The following PFKFB4 variants were observed in gnomAD, a reference collection of about 807,000 sequenced individuals.
PFKFB4 encodes 6-phosphofructo-2-kinase/fructose-2,6-bisphosphatase 4.
PFKFB4 carries 42 observed loss-of-function variants against 62.8 expected under a neutral mutation model. The observed-to-expected ratio is 0.67, with a 90% confidence interval of 0.52 to 0.86. The LOEUF (loss-of-function observed/expected upper bound fraction) is 0.86, where lower values mean the gene tolerates loss of function less well. PFKFB4 is among the 40% of genes least tolerant of loss of function. PFKFB4 has a pLI of 0.00. For synonymous variants in PFKFB4, 204 were observed against 240.7 expected, an observed-to-expected ratio of 0.85 and a Z score of 1.41; for missense variants, 475 against 627.2, an observed-to-expected ratio of 0.76 and a Z score of 2.59.
At chr3:48,523,436 GCTC>G in intron 12 of PFKFB4, 98 bp downstream of exon 12, 1 of 1,131,628 alleles carries the variant, frequency 8.8e-7, no homozygotes, top group East Asian at 2.4e-5. Flanking sequence ...GGAGGAATGG[GCTC>G]CTAACACAAT....
intron 2 of PFKFB4, 35 bp from the exon 3 acceptor site, chr3:48,549,995 C>T: frequency 6.5e-7 from 1 of 1,528,802 alleles, no homozygotes; most frequent in South Asian, 1.1e-5. Flanking sequence ...TTCACAGCAA[C>T]AGCAACCCCT....
upstream of PFKFB4, among the ~76,000 whole-genome samples, chr3:48,561,419 C>A (rs1292410345): frequency 1.3e-5 from 2 of 152,282 alleles, no homozygotes; most frequent in African/African-American, 4.8e-5. This position sits in a 1 kb window ranked among gnomAD's most constrained non-coding sequence, Gnocchi z 5.2. Flanking sequence ...GTGCCTGCCC[C>A]CTCTGCGGGC....
rs768060468 is a variant in PFKFB4 at position 48,539,782 on chromosome 3, A to G, written c.379-11T>C. ...TGTGGCATCAAAAACCTAGGACCAA[A>G]CTAGGGTTAACTCAGCCTCTGGCCC... On this transcript the variant is annotated splice_polypyrimidine_tract_variant and intron_variant, in intron 4 of 13. Transcript: ENST00000232375. 6 of 1,608,798 alleles carry G rather than the reference A, an allele frequency of 3.7e-6. No individual in the cohort carries two copies. Among genetic ancestry groups the G allele is most frequent in the South Asian group, 1.1e-5 (1 of 90,962 alleles).
intron 3 of PFKFB4, among the ~76,000 whole-genome samples, chr3:48,549,647 C>A (rs2043069737): frequency 6.6e-6 from 1 of 152,078 alleles, no homozygotes; most frequent in Admixed American, 6.6e-5. Flanking sequence ...TCACCTCCCA[C>A]CCCCACCACA....
intron 12 of PFKFB4, among the ~76,000 whole-genome samples, chr3:48,523,157 G>A (rs1487388946): frequency 6.6e-6 from 1 of 152,056 alleles, no homozygotes; most frequent in Non-Finnish European, 1.5e-5. Context: ...GGCCGAGGCA[G>A]GTAGATCACC....
At chr3:48,523,309 GGGAGGT>G (rs1311298725) in intron 12 of PFKFB4, among the ~76,000 whole-genome samples, 1 of 152,120 alleles carries the variant, frequency 6.6e-6, no homozygotes, top group Admixed American at 6.5e-5. Flanking sequence ...ATCTGAACCC[GGGAGGT>G]GGAGGTTGTA....
chr3:48,540,736 A>C (rs2042774007), intron 4 of PFKFB4, among the ~76,000 whole-genome samples: 1 of 151,774 alleles, frequency 6.6e-6, no homozygotes, highest in Non-Finnish European at 1.5e-5. Context: ...CAGCCTCCCA[A>C]GTAGCTGGGA....
At position 48,556,275 on chromosome 3, in the gene PFKFB4, G is replaced by A. The variant is rs2043313175; in HGVS notation, c.97+406C>T. 1 of 484,706 alleles carries A rather than the reference G, an allele frequency of 2.1e-6. No individual in the cohort carries two copies. Among genetic ancestry groups the A allele is most frequent in the Non-Finnish European group, 4.1e-6 (1 of 245,636 alleles). 30.0% of individuals were successfully genotyped at this position (484,706 alleles called of 1,614,324 possible). A position where few individuals can be genotyped will look rare whatever the true frequency, so the allele number is the denominator to read the frequency against. On this transcript the variant is annotated intron_variant, in intron 1 of 13. Coordinates refer to ENST00000232375, the MANE Select transcript of PFKFB4 (RefSeq NM_004567.4). This position sits in a 1 kb window ranked among gnomAD's most constrained non-coding sequence, Gnocchi z 5.7. ...CAAGTAATTCACCTAGGGCCACACA[G>A]CTCAGTTCCAGTCCAACAACCCGGC...
intron 10 of PFKFB4, among the ~76,000 whole-genome samples, chr3:48,524,883 C>G (rs1012103283): frequency 6.6e-6 from 1 of 152,132 alleles, no homozygotes; most frequent in Admixed American, 6.6e-5. Flanking sequence ...GACCTGGGGC[C>G]TGGGCTGAAC....
intron 10 of PFKFB4, 38 bp from the exon 11 acceptor site, chr3:48,523,868 C>T: frequency 6.3e-7 from 1 of 1,599,884 alleles, no homozygotes; most frequent in Non-Finnish European, 8.5e-7. Context: ...TCAGGCCTGG[C>T]TCCGGGGGAG....
At chr3:48,559,555 C>T (rs751884722), upstream of PFKFB4, 2 of 457,156 alleles carry the variant, frequency 4.4e-6, no homozygotes, top group Non-Finnish European at 8.8e-6. Flanking sequence ...GCTGTCCCAG[C>T]GTCTGCTCTC....
chr3:48,562,939 G>A (rs368177355), upstream of PFKFB4: 8 of 1,605,120 alleles, frequency 5.0e-6, no homozygotes, highest in African/African-American at 9.4e-5. The surrounding 1 kb of genome is among the most constrained non-coding windows in gnomAD (Gnocchi z 4.3). Flanking sequence ...GGGTGGGGCT[G>A]CAGTGGCTCT....
At chr3:48,559,698 A>G (rs1037757935), upstream of PFKFB4, 3 of 431,840 alleles carry the variant, frequency 6.9e-6, no homozygotes, top group African/African-American at 6.0e-5. Context: ...ACGTGTGAAC[A>G]TGTTCTGCTC....
chr3:48,551,703 C>G (rs1359711647), intron 1 of PFKFB4, among the ~76,000 whole-genome samples: 1 of 151,476 alleles, frequency 6.6e-6, no homozygotes, highest in South Asian at 2.1e-4. Context: ...TGCCACCACA[C>G]CTGGCTAATT....
At chr3:48,558,059 A>C (rs2043372898), upstream of PFKFB4, among the ~76,000 whole-genome samples, 1 of 152,176 alleles carries the variant, frequency 6.6e-6, no homozygotes, top group African/African-American at 2.4e-5. Flanking sequence ...ATTACAGTAT[A>C]AATTAAGTAT....
upstream of PFKFB4, chr3:48,562,576 C>T: frequency 5.1e-6 from 3 of 591,144 alleles, no homozygotes; most frequent in Non-Finnish European, 8.8e-6. This position sits in a 1 kb window ranked among gnomAD's most constrained non-coding sequence, Gnocchi z 4.3. Context: ...CCAGGCTGTC[C>T]AGACACACTG....
upstream of PFKFB4, chr3:48,563,125 C>T (rs768620393): frequency 2.2e-5 from 35 of 1,607,216 alleles, no homozygotes; most frequent in South Asian, 2.8e-4. The surrounding 1 kb of genome is among the most constrained non-coding windows in gnomAD (Gnocchi z 4.5). Context: ...ACCTGGTCAT[C>T]GTGAGGTCAG....
chr3:48,549,433 C>G (rs2107581446), intron 3 of PFKFB4, among the ~76,000 whole-genome samples: 2 of 152,230 alleles, frequency 1.3e-5, no homozygotes, highest in Non-Finnish European at 2.9e-5. Flanking sequence ...CTCAGGTTCC[C>G]TTCCCCAGCA....
chr3:48,522,149 T>C, intron 12 of PFKFB4, 99 bp from the exon 13 acceptor site: 6 of 1,050,438 alleles, frequency 5.7e-6, no homozygotes, highest in Non-Finnish European at 8.9e-6. Context: ...GCGTGTGGAA[T>C]GGAGCAGCCA....
Sources: allele counts gnomAD v4.1 joint callset (sites outside exome capture counted in the v4.1 genomes callset), GRCh38; gene constraint gnomAD v4.1.1; non-coding constraint Gnocchi (gnomAD v3.1); transcripts MANE v1.5; gene names NCBI Gene and HGNC (gene_info 2026-07-23, HGNC 2026-07-21).